The following NOTCH1 variants were observed in gnomAD, a reference collection of about 807,000 sequenced individuals.
NOTCH1 encodes notch receptor 1.
A neutral mutation model predicts 254.8 loss-of-function variants in NOTCH1; 37 were observed. The ratio of observed to expected loss-of-function variants is 0.15; its 90% CI spans 0.11 to 0.19. NOTCH1 has a LOEUF of 0.19. NOTCH1 is among the 10% of genes least tolerant of loss of function. The probability of loss-of-function intolerance (pLI) is 1.00; values close to 1 mark genes in which losing one functional copy is unlikely to be tolerated. For missense variants in NOTCH1, 2,972 were observed against 3,708.6 expected (o/e 0.80, Z 5.16); for synonymous variants, 1,731 against 1,618.1 (o/e 1.07, Z -1.68).
In NOTCH1 at chr9:136,518,827, G is replaced by A. The variant is rs950602055; in HGVS notation, c.866-3C>T. The A allele has an allele frequency of 5.0e-6, 8 of 1,611,916 alleles. No homozygotes were observed. Among genetic ancestry groups the A allele is most frequent in the Non-Finnish European group, 6.8e-6 (8 of 1,179,350 alleles). On this transcript the variant is annotated splice_region_variant and splice_polypyrimidine_tract_variant and intron_variant, in intron 5 of 33. Transcript: ENST00000651671. ...CACATCCTCGGTACAGTACTGACCT[G>A]CAGGGAACAGGAGCTGTCGGCCCCG...
chr9:136,515,274 G>A lies in NOTCH1; in HGVS notation c.2014+16C>T, dbSNP rs199814619. On this transcript the variant is annotated intron_variant, in intron 12 of 33. Coordinates refer to ENST00000651671, the MANE Select transcript of NOTCH1 (RefSeq NM_017617.5). ...TGAGCACAGTGCAGTCAGCCCCCAC[G>A]TGCAGGGCCGCTCACCTGTGTAGCC... 1.0e-4 allele frequency: 166 copies of A among 1,609,846 alleles called. No individual in the cohort carries two copies. In the Middle Eastern group the frequency reaches 3.6e-3, roughly 35 times the overall value.
Position 136,504,777 on chromosome 9 carries a change from C to T in NOTCH1, c.4914G>A (p.Trp1638Ter), listed in dbSNP as rs1843051341. The change falls in exon 26 of 34, where the codon TGG becomes TGA. Residue 1638 changes from tryptophan to a stop codon, truncating the protein, a stop_gained. Transcript: ENST00000651671. LOFTEE classifies it high-confidence loss of function. ...GGCCCAGCAGGGCGTCAGGTGCGGC[C>T]CAGCCCTCGGCGGCACGCTTGATGG... ...KHPIKRAAEGWAAPDALLGQV... is the reference protein window; with the variant it reads ...KHPIKRAAEG The T allele has an allele frequency of 6.4e-7, 1 of 1,552,846 alleles. No homozygotes were observed. Among genetic ancestry groups the T allele is most frequent in the East Asian group, 2.4e-5 (1 of 41,470 alleles).
rs148002954 is a variant in NOTCH1 at position 136,503,343 on chromosome 9, T to C, written c.5019-13A>G. 1,758 of 1,611,290 alleles carry C rather than the reference T, an allele frequency of 1.1e-3. 13 individuals are homozygous for C. The African/African-American group carries it at 0.021, about 19-fold the overall frequency. On this transcript the variant is annotated splice_polypyrimidine_tract_variant and intron_variant, in intron 26 of 33. Transcript: ENST00000651671. ...GTAGACGATGGAGCTGGGCGGACAA[T>C]CAGAGAGGGGCTGGGACCCGAGGCT...
chr9:136,536,660 C>T (rs957528864), intron 2 of NOTCH1, among the ~76,000 whole-genome samples: 8 of 152,244 alleles, frequency 5.3e-5, no homozygotes, highest in African/African-American at 1.9e-4. Flanking sequence ...GTGGGCCTCA[C>T]TTGAAAGCCA....
At chr9:136,530,928 G>A (rs556420880) in intron 2 of NOTCH1, among the ~76,000 whole-genome samples, 10 of 152,356 alleles carry the variant, frequency 6.6e-5, no homozygotes, top group African/African-American at 2.4e-4. Context: ...TGCGCTCCGG[G>A]CCAGCGCCAG....
chr9:136,525,988 G>C (rs1294363519), intron 2 of NOTCH1, among the ~76,000 whole-genome samples: 5 of 152,254 alleles, frequency 3.3e-5, no homozygotes, highest in Non-Finnish European at 7.3e-5. Context: ...CCTTCCAAAG[G>C]GGCTCTGGGG....
intron 33 of NOTCH1, among the ~76,000 whole-genome samples, chr9:136,498,278 T>C (rs1359791047): frequency 6.6e-6 from 1 of 150,580 alleles, no homozygotes; most frequent in Non-Finnish European, 1.5e-5. Flanking sequence ...GGTGGGGGTG[T>C]CTGCACCTGT....
At chr9:136,522,214 T>C (rs1843379882) in intron 4 of NOTCH1, among the ~76,000 whole-genome samples, 1 of 152,210 alleles carries the variant, frequency 6.6e-6, no homozygotes. Context: ...CCTGACCTTG[T>C]GATCTGCCCA....
rs1428843150 is a variant in NOTCH1, at chr9:136,516,122, G to A, written c.1556-28C>T. On this transcript the variant is annotated intron_variant, in intron 9 of 33. Coordinates refer to ENST00000651671, the MANE Select transcript of NOTCH1 (RefSeq NM_017617.5). Reference sequence around the variant, plus strand: ...GGGGCCGGGGAGGGGAGGGGAGGGAGTCATGTGCAACAGCACTATGGCCCT... The same window carrying A: ...GGGGCCGGGGAGGGGAGGGGAGGGAATCATGTGCAACAGCACTATGGCCCT... 5 of 1,544,078 alleles carry A rather than the reference G, an allele frequency of 3.2e-6. No individual in the cohort carries two copies. In the Admixed American group the frequency reaches 8.4e-5, roughly 26 times the overall value.
rs3812602 is a variant in NOTCH1, at chr9:136,508,242, C to T, written c.3315G>A (p.Ala1105=). Residue 1105 remains alanine, a synonymous_variant, in exon 20 of 34, where the codon GCG becomes GCA. Coordinates refer to ENST00000651671, the MANE Select transcript of NOTCH1 (RefSeq NM_017617.5). Reference sequence around the variant, plus strand: ...GGCACAGCAGGTTACCTTGTCGCTGCGCAGCCACCTCACAGGACACGCTGG... The same window carrying T: ...GGCACAGCAGGTTACCTTGTCGCTGTGCAGCCACCTCACAGGACACGCTGG... ...DVPSVSCEVA[A]QRQGVDVARL... The T allele has an allele frequency of 4.5e-5, 73 of 1,611,658 alleles. No individual in the cohort carries two copies. The highest frequency in any genetic ancestry group is 5.2e-5 in the Non-Finnish European group (61 of 1,179,438).
chr9:136,538,964 C>T (rs1030963499), intron 2 of NOTCH1, among the ~76,000 whole-genome samples: 2 of 152,212 alleles, frequency 1.3e-5, no homozygotes, highest in Admixed American at 1.3e-4. Flanking sequence ...TGCAGTCCCT[C>T]GGCCCGGCCT....
rs762771809 is a variant in NOTCH1 at position 136,501,860 on chromosome 9, C to T, written c.5526G>A (p.Gln1842=). ...PDLDDQTDHR[Q]WTQQHLDAAD... Reference sequence around the variant, plus strand: ...CGGCATCCAGGTGCTGCTGAGTCCACTGCCGGTGGTCTGTCTGGTCGTCCA... The same window carrying T: ...CGGCATCCAGGTGCTGCTGAGTCCATTGCCGGTGGTCTGTCTGGTCGTCCA... Residue 1842 remains glutamine (Q), a synonymous_variant, in exon 30 of 34, where the codon CAG becomes CAA. Transcript: ENST00000651671. 1.9e-6 allele frequency: 3 copies of T among 1,612,652 alleles called. No individual in the cohort carries two copies. In the East Asian group the frequency reaches 6.7e-5, roughly 36 times the overall value.
Position 136,496,283 on chromosome 9 carries a change from A to AG in NOTCH1, c.7455dup (p.Ser2486LeufsTer21). ...ACAGGCGAGGAGTAGCTGTGCTGCG[A>AG]GGGGGGCGTCAGGAACTGGGCTGCG... On this transcript the variant is annotated frameshift_variant, in exon 34 of 34. Transcript: ENST00000651671. LOFTEE classifies it high-confidence loss of function. The AG allele has an allele frequency of 6.3e-7, 1 of 1,598,202 alleles. No homozygotes were observed. Among genetic ancestry groups the AG allele is most frequent in the Non-Finnish European group, 8.5e-7 (1 of 1,171,692 alleles).
rs1423905615 is a variant in NOTCH1 at position 136,538,355 on chromosome 9, G to A, written c.140+5669C>T. ...CCGCAGGGCCCACAGCCACCACCAC[G>A]CCTTCAGCCCGCCCCAGGGTCCCGC... On this transcript the variant is annotated intron_variant, in intron 2 of 33. Transcript: ENST00000651671. Among the ~76,000 whole-genome samples the A allele has an allele frequency of 5.3e-5, 8 of 151,838 alleles. No individual in the cohort carries two copies. The East Asian group carries it at 7.8e-4, about 15-fold the overall frequency.
At chr9:136,538,543 C>T (rs1439647005) in intron 2 of NOTCH1, among the ~76,000 whole-genome samples, 2 of 152,258 alleles carry the variant, frequency 1.3e-5, no homozygotes, top group African/African-American at 4.8e-5. Context: ...AAACTCGAGG[C>T]CGTCAAACGC....
At position 136,502,054 on chromosome 9, in the gene NOTCH1, C is replaced by A. The variant is rs1843005721; in HGVS notation, c.5419G>T (p.Asp1807Tyr). The A allele has an allele frequency of 1.2e-6, 2 of 1,613,350 alleles. No individual in the cohort carries two copies. Among genetic ancestry groups the A allele is most frequent in the South Asian group, 1.1e-5 (1 of 91,080 alleles). The change falls in exon 29 of 34, where the codon GAC (aspartate) becomes TAC (tyrosine). Residue 1807 changes from aspartate (D) to tyrosine (Y), a missense_variant. Physicochemically the swap from Asp to Tyr is radical, Grantham distance 160. Transcript: ENST00000651671. Reference sequence around the variant, plus strand: ...TCCCCCCACTCATTCTGGTTGTCGTCCATGAGGGCACCGTCTGAAGCGTTC... The same window carrying A: ...TCCCCCCACTCATTCTGGTTGTCGTACATGAGGGCACCGTCTGAAGCGTTC... ...LKNASDGALM[D>Y]DNQNEWGDED...
chr9:136,541,388 T>C (rs1279790812), intron 2 of NOTCH1, among the ~76,000 whole-genome samples: 1 of 152,138 alleles, frequency 6.6e-6, no homozygotes, highest in Non-Finnish European at 1.5e-5. Context: ...GTGACGCCCA[T>C]CATGACCATG....
chr9:136,534,055 C>T (rs1414962783), intron 2 of NOTCH1, among the ~76,000 whole-genome samples: 2 of 152,212 alleles, frequency 1.3e-5, no homozygotes, highest in African/African-American at 4.8e-5. Context: ...CATCTCGGCA[C>T]GAGGGCGACC....
rs1335505245 is a variant in NOTCH1 at position 136,542,390 on chromosome 9, A to G, written c.140+1634T>C. ...GGTTATACATTCTGGGAAGCCACGC[A>G]TAATTAATCACACGGCATTAATCCG... On this transcript the variant is annotated intron_variant, in intron 2 of 33. Transcript: ENST00000651671. Among the ~76,000 whole-genome samples, 4 of 152,104 alleles carry G rather than the reference A, an allele frequency of 2.6e-5. No homozygotes were observed. The South Asian group carries it at 6.2e-4, about 24-fold the overall frequency.
Sources: allele counts gnomAD v4.1 joint callset (sites outside exome capture counted in the v4.1 genomes callset), GRCh38; gene constraint gnomAD v4.1.1; transcripts MANE v1.5; gene names NCBI Gene and HGNC (gene_info 2026-07-23, HGNC 2026-07-21).